The following ALPK2 variants were observed in gnomAD, a reference collection of about 807,000 sequenced individuals.
ALPK2 encodes alpha kinase 2.
Under a neutral mutation model 163.1 loss-of-function variants are expected in ALPK2, and 127 were observed. The observed-to-expected ratio is 0.78, with a 90% CI of 0.67 to 0.90. The LOEUF is 0.90. Among genes scored for constraint, ALPK2 ranks in the 40% least tolerant of loss-of-function variants. The probability of loss-of-function intolerance (pLI) is 0.00; values close to 1 mark genes in which losing one functional copy is unlikely to be tolerated. For missense variants in ALPK2, 2,360 were observed against 2,589.6 expected, an observed-to-expected ratio of 0.91 and a Z score of 1.92; for synonymous variants, 953 against 959.1, an observed-to-expected ratio of 0.99 and a Z score of 0.12.
chr18:58,543,411 G>A (rs984490617), intron 4 of ALPK2: 26 of 985,254 alleles, frequency 2.6e-5, no homozygotes, highest in Non-Finnish European at 3.0e-5. Flanking sequence ...GCTTGTGGAG[G>A]CAGTCTGTGC....
At chr18:58,501,389 T>A (rs2051430695) in intron 11 of ALPK2, among the ~76,000 whole-genome samples, 1 of 152,202 alleles carries the variant, frequency 6.6e-6, no homozygotes, top group African/African-American at 2.4e-5. Context: ...TAAGACCATA[T>A]GTTTTGTGTG....
intron 4 of ALPK2, among the ~76,000 whole-genome samples, chr18:58,564,411 C>T (rs1268927718): frequency 6.6e-6 from 1 of 152,080 alleles, no homozygotes; most frequent in Non-Finnish European, 1.5e-5. Flanking sequence ...CATGACCCAC[C>T]ACACCTGGCC....
At chr18:58,619,511 C>T (rs1402680935) in intron 1 of ALPK2, among the ~76,000 whole-genome samples, 1 of 152,138 alleles carries the variant, frequency 6.6e-6, no homozygotes, top group Non-Finnish European at 1.5e-5. Flanking sequence ...ATCCATTTCC[C>T]GTTTGCCCCG....
chr18:58,538,829 G>C (rs35311276), intron 4 of ALPK2, among the ~76,000 whole-genome samples: 2 of 151,802 alleles, frequency 1.3e-5, no homozygotes, highest in East Asian at 3.9e-4. Context: ...CCTCAGGGGT[G>C]GGGGGAATGA....
chr18:58,487,379 G>T (rs1346544807), intron 12 of ALPK2, among the ~76,000 whole-genome samples: 1 of 152,140 alleles, frequency 6.6e-6, no homozygotes, highest in African/African-American at 2.4e-5. Context: ...GCATGGAACA[G>T]ACCCTCCCTC....
chr18:58,545,837 C>A (rs1488905085), intron 4 of ALPK2, among the ~76,000 whole-genome samples: 2 of 152,164 alleles, frequency 1.3e-5, no homozygotes, highest in African/African-American at 2.4e-5. Context: ...TTAAATGAGA[C>A]CTTCCCCTCT....
intron 4 of ALPK2, among the ~76,000 whole-genome samples, chr18:58,554,176 G>A (rs966426188): frequency 6.6e-6 from 1 of 152,074 alleles, no homozygotes; most frequent in Non-Finnish European, 1.5e-5. Flanking sequence ...AGTTCTTTAC[G>A]GCAGTATGAA....
At chr18:58,585,854 T>C (rs369182421) in intron 3 of ALPK2, among the ~76,000 whole-genome samples, 3 of 152,152 alleles carry the variant, frequency 2.0e-5, no homozygotes, top group Non-Finnish European at 4.4e-5. Context: ...TGGCTAATTT[T>C]TGTATTTTTA....
intron 10 of ALPK2, among the ~76,000 whole-genome samples, chr18:58,504,811 G>T (rs2051453247): frequency 6.6e-6 from 1 of 152,186 alleles, no homozygotes; most frequent in Admixed American, 6.5e-5. Flanking sequence ...AGCAGCCCTT[G>T]TTCATGGATA....
rs183579198 is a variant in ALPK2, at chr18:58,551,140, A to G, written c.1963-12916T>C. Among the ~76,000 whole-genome samples, 749 of 151,280 alleles carry G rather than the reference A, an allele frequency of 5.0e-3. 6 individuals are homozygous for G. Among genetic ancestry groups the G allele is most frequent in the South Asian group, 0.018 (86 of 4,798 alleles). On this transcript the variant is annotated intron_variant, in intron 4 of 12. Coordinates refer to ENST00000361673, the MANE Select transcript of ALPK2 (RefSeq NM_052947.4). ...AAAAAAACCCACATTTTTTTTCTTA[A>G]TAATTCACTGTATCTACACTATTGG...
At chr18:58,518,563 G>A (rs1338754397) in intron 8 of ALPK2, among the ~76,000 whole-genome samples, 1 of 152,148 alleles carries the variant, frequency 6.6e-6, no homozygotes, top group African/African-American at 2.4e-5. Flanking sequence ...AGAAGCAGAG[G>A]CAAGAAAGCT....
intron 3 of ALPK2, among the ~76,000 whole-genome samples, chr18:58,604,605 T>C (rs2052088680): frequency 1.3e-5 from 2 of 152,238 alleles, no homozygotes; most frequent in African/African-American, 4.8e-5. Context: ...GTGCCCAGCA[T>C]ACTTACTGCT....
chr18:58,601,423 A>G (rs900758476), intron 3 of ALPK2, among the ~76,000 whole-genome samples: 2 of 152,196 alleles, frequency 1.3e-5, no homozygotes, highest in African/African-American at 4.8e-5. Flanking sequence ...GTGAGTACGC[A>G]CACCTTGTTG....
At chr18:58,514,929 C>A in intron 10 of ALPK2, 64 bp downstream of exon 10, 1 of 1,308,826 alleles carries the variant, frequency 7.6e-7, no homozygotes, top group Non-Finnish European at 1.1e-6. Context: ...CCTTCTCACT[C>A]TCTCGTCCCT....
chr18:58,618,169 C>CT (rs1368826315), intron 1 of ALPK2, among the ~76,000 whole-genome samples: 3 of 152,212 alleles, frequency 2.0e-5, no homozygotes, highest in Non-Finnish European at 2.9e-5. Flanking sequence ...CCTCAGCCTC[C>CT]TGAGTAGCTG....
intron 12 of ALPK2, among the ~76,000 whole-genome samples, chr18:58,492,486 T>C (rs770310665): frequency 1.3e-5 from 2 of 152,202 alleles, no homozygotes; most frequent in Non-Finnish European, 2.9e-5. Context: ...TTTTCTTGTC[T>C]ATTCTGGTCT....
At chr18:58,533,591 A>C (rs116328470) in intron 5 of ALPK2, among the ~76,000 whole-genome samples, 15,442 of 151,534 alleles carry the variant, frequency 0.1, 884 homozygotes, top group Middle Eastern at 0.15. Context: ...AGTAGCTGGG[A>C]CTACAGACGT....
chr18:58,619,427 A>G (rs1343291004), intron 1 of ALPK2, among the ~76,000 whole-genome samples: 1 of 152,254 alleles, frequency 6.6e-6, no homozygotes, highest in Non-Finnish European at 1.5e-5. Context: ...GAAAAGAACA[A>G]GAACCCTCAT....
chr18:58,579,366 T>G lies in ALPK2; in HGVS notation c.1410A>C (p.Arg470Ser). ...NDYPGIQGET[R>S]DSHQAREEFA... ...ATTCCTCTCTTGCTTGGTGGCTGTC[T>G]CTGGTTTCTCCTTGAATTCCTGGAT... The change falls in exon 4 of 13, where the codon AGA (arginine) becomes AGC (serine). Residue 470 changes from arginine (R) to serine (S), a missense_variant. Physicochemically the swap from Arg to Ser is moderately radical, Grantham distance 110. Coordinates refer to ENST00000361673, the MANE Select transcript of ALPK2 (RefSeq NM_052947.4). 6.2e-7 allele frequency: 1 copy of G among 1,614,170 alleles called. No homozygotes were observed.
Sources: gnomAD v4.1 joint callset for allele counts (sites outside exome capture counted in the v4.1 genomes callset) on GRCh38, gnomAD v4.1.1 for gene constraint, MANE v1.5 for transcripts, NCBI Gene and HGNC (gene_info 2026-07-23, HGNC 2026-07-21) for gene names.